GRAMD1B: variants seen among roughly 807,000 people sequenced by gnomAD.
The protein encoded by GRAMD1B is GRAM domain containing 1B.
In GRAMD1B, 37 loss-of-function variants were observed where a neutral mutation model predicts 99.7. That is an observed-to-expected ratio of 0.37 (90% confidence interval 0.29 to 0.49). The LOEUF (loss-of-function observed/expected upper bound fraction) is 0.49. Ranked by LOEUF, GRAMD1B falls within the 20% of genes least tolerant of loss-of-function variation. GRAMD1B has a pLI of 0.98. For missense variants in GRAMD1B, 888 were observed against 1,009.2 expected, an observed-to-expected ratio of 0.88 and a Z score of 1.63; for synonymous variants, 427 against 387.6, an observed-to-expected ratio of 1.10 and a Z score of -1.19.
chr11:123,567,163 A>G (rs1488923437), intron 2 of GRAMD1B, among the ~76,000 whole-genome samples: 1 of 152,234 alleles, frequency 6.6e-6, no homozygotes, highest in African/African-American at 2.4e-5. Context: ...ACAAGTGCCA[A>G]TATCCTAGGT....
intron 1 of GRAMD1B, among the ~76,000 whole-genome samples, chr11:123,379,880 T>G (rs532170949): frequency 6.6e-6 from 1 of 152,334 alleles, no homozygotes; most frequent in Admixed American, 6.5e-5. Flanking sequence ...GTTATAACCA[T>G]CCTAGTGGCC....
In GRAMD1B at chr11:123,415,095, C is replaced by CTTT. The variant is rs1175202539; in HGVS notation, c.-176+56320_-176+56322dup. Among the ~76,000 whole-genome samples, 43 of 75,830 alleles carry CTTT rather than the reference C, an allele frequency of 5.7e-4. 1 individual carries two copies. Among genetic ancestry groups the CTTT allele is most frequent in the Admixed American group, 6.8e-4 (4 of 5,844 alleles). The allele number at this position is 75,830 out of a possible 152,430, so 49.7% of individuals were successfully genotyped here. ...TTTCTTTTTTCTTTTCTTTTTCTTTCTTTTTTTTTTTTTTTTTTTTTTTTT... is the reference window on the plus strand; with the variant it reads ...TTTCTTTTTTCTTTTCTTTTTCTTTCTTTTTTTTTTTTTTTTTTTTTTTTTTTT... On this transcript the variant is annotated intron_variant, in intron 1 of 20. Transcript: ENST00000638157.
At chr11:123,577,106 C>T (rs943228828) in intron 2 of GRAMD1B, among the ~76,000 whole-genome samples, 6 of 152,198 alleles carry the variant, frequency 3.9e-5, no homozygotes, top group Admixed American at 1.3e-4. Flanking sequence ...GACGGATGGA[C>T]GGATGCATGT....
intron 4 of GRAMD1B, among the ~76,000 whole-genome samples, chr11:123,588,201 ATC>A (rs1418641108): frequency 1.3e-5 from 2 of 151,902 alleles, no homozygotes; most frequent in Non-Finnish European, 2.9e-5. Flanking sequence ...ACCGAAATCC[ATC>A]TGTTTTCTCC....
chr11:123,369,941 T>C (rs1423101725), intron 1 of GRAMD1B, among the ~76,000 whole-genome samples: 1 of 151,316 alleles, frequency 6.6e-6, no homozygotes, highest in Non-Finnish European at 1.5e-5. Flanking sequence ...GCCCCTTTCT[T>C]GGAGAAAATG....
intron 2 of GRAMD1B, among the ~76,000 whole-genome samples, chr11:123,516,360 C>G (rs886373608): frequency 6.6e-6 from 1 of 152,180 alleles, no homozygotes; most frequent in African/African-American, 2.4e-5. Context: ...TTCCCCTGCC[C>G]TAACCTTAGG....
At chr11:123,447,406 G>A (rs2846061) in intron 1 of GRAMD1B, among the ~76,000 whole-genome samples, 151,545 of 152,312 alleles carry the variant, frequency 0.99, 75,392 homozygotes, top group Middle Eastern at 1. Flanking sequence ...TCAGTTTACT[G>A]TGTTTCTCAG....
chr11:123,526,303 AG>A, intron 2 of GRAMD1B: 1 of 760,022 alleles, frequency 1.3e-6, no homozygotes, highest in Non-Finnish European at 2.3e-6. Context: ...TGTGGGGACT[AG>A]GCACTTTAAA....
intron 2 of GRAMD1B, among the ~76,000 whole-genome samples, chr11:123,568,207 T>C (rs1416393860): frequency 2.0e-5 from 3 of 152,192 alleles, no homozygotes; most frequent in African/African-American, 7.2e-5. Flanking sequence ...CTGAATTATC[T>C]ACACAGTATT....
At chr11:123,516,318 A>G (rs1408653256) in intron 2 of GRAMD1B, among the ~76,000 whole-genome samples, 1 of 152,218 alleles carries the variant, frequency 6.6e-6, no homozygotes, top group Non-Finnish European at 1.5e-5. Context: ...GAGAGAAGGT[A>G]GTGGGTATCT....
chr11:123,372,845 T>C (rs1946571891), intron 1 of GRAMD1B, among the ~76,000 whole-genome samples: 1 of 152,194 alleles, frequency 6.6e-6, no homozygotes, highest in African/African-American at 2.4e-5. Flanking sequence ...GTGTTAATAA[T>C]TGAGAGCTCT....
intron 1 of GRAMD1B, chr11:123,435,311 TG>T (rs1460665991): frequency 3.6e-5 from 23 of 646,432 alleles, no homozygotes; most frequent in Non-Finnish European, 1.1e-5. Context: ...TTCAGCGTGA[TG>T]TGGTAGAAGT....
At chr11:123,598,629 C>A in intron 7 of GRAMD1B, 1 of 1,376,956 alleles carries the variant, frequency 7.3e-7, no homozygotes, top group East Asian at 2.3e-5. Context: ...TGGGATCCTG[C>A]CACATTTCAG....
intron 1 of GRAMD1B, among the ~76,000 whole-genome samples, chr11:123,449,780 G>C (rs1351243932): frequency 6.8e-6 from 1 of 147,050 alleles, no homozygotes; most frequent in East Asian, 2.0e-4. Context: ...GAACACAGTA[G>C]CACAATCATG....
intron 1 of GRAMD1B, among the ~76,000 whole-genome samples, chr11:123,398,332 G>A (rs185703741): frequency 1.0e-3 from 155 of 152,344 alleles, no homozygotes; most frequent in South Asian, 1.2e-3. Flanking sequence ...AAGAGAGCAA[G>A]AGCATGCCAG....
chr11:123,487,789 T>C (rs1192605767), intron 2 of GRAMD1B, among the ~76,000 whole-genome samples: 1 of 152,160 alleles, frequency 6.6e-6, no homozygotes, highest in Non-Finnish European at 1.5e-5. Context: ...GTATTTTTAG[T>C]AGAGACAGGG....
intron 1 of GRAMD1B, among the ~76,000 whole-genome samples, chr11:123,474,543 G>T (rs767885850): frequency 7.9e-5 from 12 of 152,262 alleles, no homozygotes; most frequent in Middle Eastern, 3.4e-3. Context: ...CAGGAAATAG[G>T]CTAAGGGAGG....
At position 123,388,681 on chromosome 11, in the gene GRAMD1B, TCAAACAAA is replaced by T. The variant is rs35971361; in HGVS notation, c.-176+29911_-176+29918del. On this transcript the variant is annotated intron_variant, in intron 1 of 20. Coordinates refer to the GRAMD1B transcript ENST00000638157. Reference sequence around the variant, plus strand: ...AACAGAATGACAGTGAGACCCTGTTTCAAACAAACAAACAAACAAACAAACAAACAAAC... The same window carrying T: ...AACAGAATGACAGTGAGACCCTGTTTCAAACAAACAAACAAACAAACAAAC... Among the ~76,000 whole-genome samples the T allele has an allele frequency of 8.1e-3, 1,218 of 149,552 alleles. 10 individuals are homozygous for T. Among genetic ancestry groups the T allele is most frequent in the African/African-American group, 0.024 (967 of 40,008 alleles).
intron 1 of GRAMD1B, among the ~76,000 whole-genome samples, chr11:123,397,751 C>T (rs1947517361): frequency 6.6e-6 from 1 of 152,130 alleles, no homozygotes; most frequent in Admixed American, 6.5e-5. Flanking sequence ...TCAGGCAATC[C>T]TCCCACCTTG....
Sources: gnomAD v4.1 joint callset for allele counts (sites outside exome capture counted in the v4.1 genomes callset) on GRCh38, gnomAD v4.1.1 for gene constraint, MANE v1.5 for transcripts, NCBI Gene and HGNC (gene_info 2026-07-23, HGNC 2026-07-21) for gene names.